The following LAMA1 variants were observed in gnomAD, a reference collection of about 807,000 sequenced individuals.
LAMA1 encodes laminin subunit alpha 1.
Under a neutral mutation model 348.7 loss-of-function variants are expected in LAMA1, and 219 were observed. The observed-to-expected ratio is 0.63, with a 90% CI of 0.56 to 0.70. The LOEUF is 0.70. Among genes scored for constraint, LAMA1 ranks in the 30% least tolerant of loss-of-function variants. The pLI is 0.00. For missense variants in LAMA1, 3,744 were observed against 3,888.0 expected, an observed-to-expected ratio of 0.96 and a Z score of 0.99; for synonymous variants, 1,487 against 1,491.0, an observed-to-expected ratio of 1.00 and a Z score of 0.06.
At chr18:7,082,944 C>A (rs1188234884) in intron 1 of LAMA1, among the ~76,000 whole-genome samples, 2 of 142,548 alleles carry the variant, frequency 1.4e-5, no homozygotes, top group Non-Finnish European at 2.9e-5. Context: ...CCCACTACCT[C>A]CCAATCTGAG....
intron 31 of LAMA1, 57 bp from the exon 32 acceptor site, chr18:6,999,695 T>C (rs693754): frequency 0.4 from 564,581 of 1,427,556 alleles, 117,336 homozygotes; most frequent in African/African-American, 0.69. Context: ...GCTTCTAACT[T>C]GCGACAGTAA....
intron 36 of LAMA1, among the ~76,000 whole-genome samples, chr18:6,986,924 A>G (rs997691972): frequency 3.3e-5 from 5 of 152,086 alleles, no homozygotes; most frequent in African/African-American, 1.2e-4. Context: ...ACGCCCAGCT[A>G]ATTTTTTTTA....
chr18:7,027,585 C>CA (rs1317768974), intron 16 of LAMA1, among the ~76,000 whole-genome samples: 254 of 149,456 alleles, frequency 1.7e-3, no homozygotes, highest in African/African-American at 6.2e-3. Flanking sequence ...AAAAAAAAAA[C>CA]AAAACCCAGT....
chr18:7,050,821 A>G lies in LAMA1; in HGVS notation c.461T>C (p.Val154Ala). Residue 154 changes from valine to alanine, a missense_variant, in exon 4 of 63, where the codon GTC becomes GCC. Coordinates refer to ENST00000389658, the MANE Select transcript of LAMA1 (RefSeq NM_005559.4). ...TTFSPWQYYA[V>A]SDSECLSRYN... ...ACGAGACAAACACTCTGAGTCGCTG[A>G]CTGCATAATACTGCCAGGGGCTGAA... 1 of 1,614,164 alleles carries G rather than the reference A, an allele frequency of 6.2e-7. No homozygotes were observed. The highest frequency in any genetic ancestry group is 8.5e-7 in the Non-Finnish European group (1 of 1,180,028).
chr18:7,000,661 C>T (rs561518679), intron 30 of LAMA1, among the ~76,000 whole-genome samples: 3 of 152,192 alleles, frequency 2.0e-5, no homozygotes, highest in Non-Finnish European at 4.4e-5. Flanking sequence ...TCTGCCTTCA[C>T]GTTTTAAATT....
intron 48 of LAMA1, among the ~76,000 whole-genome samples, chr18:6,970,585 T>G (rs1436618780): frequency 6.6e-6 from 1 of 152,048 alleles, no homozygotes; most frequent in Non-Finnish European, 1.5e-5. Flanking sequence ...CCTATATTCT[T>G]TTTCAATCTT....
intron 16 of LAMA1, among the ~76,000 whole-genome samples, chr18:7,031,680 C>CAAATAAATAAATAAATTAATAAAT (rs2057969656): frequency 6.8e-6 from 1 of 146,626 alleles, no homozygotes; most frequent in African/African-American, 2.6e-5. Flanking sequence ...GACCCTGTCT[C>CAAATAAATAAATAAATTAATAAAT]AAATAAATAA....
intron 48 of LAMA1, among the ~76,000 whole-genome samples, chr18:6,967,971 C>T (rs1297713247): frequency 6.6e-6 from 1 of 152,148 alleles, no homozygotes; most frequent in African/African-American, 2.4e-5. Flanking sequence ...CTGAACATGA[C>T]CGAAGGCTTG....
rs2058353678 is a variant in LAMA1, at chr18:7,115,819, A to AAAACAAAAC, written c.61+1840_61+1841insGTTTTGTTT. Among the ~76,000 whole-genome samples, 5 of 53,800 alleles carry AAAACAAAAC rather than the reference A, an allele frequency of 9.3e-5. No individual in the cohort carries two copies. The South Asian group carries it at 5.7e-3, about 61-fold the overall frequency. The allele number at this position is 53,800 out of a possible 152,430, so 35.3% of individuals were successfully genotyped here. ...CCCTGTCTCCACTAAAAATACAAAA[A>AAAACAAAAC]AAAAAAAAAAAAAATAGCCGGGCGT... On this transcript the variant is annotated intron_variant, in intron 1 of 62. Coordinates refer to ENST00000389658, the MANE Select transcript of LAMA1 (RefSeq NM_005559.4).
chr18:7,104,185 G>A (rs1305733974), intron 1 of LAMA1, among the ~76,000 whole-genome samples: 1 of 152,032 alleles, frequency 6.6e-6, no homozygotes, highest in Non-Finnish European at 1.5e-5. Context: ...CACCATGTGG[G>A]CCAGGCTGGT....
intron 22 of LAMA1, among the ~76,000 whole-genome samples, chr18:7,014,877 T>C (rs1157779405): frequency 2.0e-5 from 3 of 152,112 alleles, no homozygotes; most frequent in Non-Finnish European, 2.9e-5. Context: ...GACAGAGTCT[T>C]GCTCTGTTGC....
At chr18:6,979,281 G>GCAT (rs2057697382) in intron 42 of LAMA1, among the ~76,000 whole-genome samples, 1 of 152,214 alleles carries the variant, frequency 6.6e-6, no homozygotes, top group African/African-American at 2.4e-5. Flanking sequence ...AGTTTCCCCA[G>GCAT]GTAACTTCCA....
chr18:7,019,022 G>T (rs1251084300), intron 19 of LAMA1, among the ~76,000 whole-genome samples: 1 of 152,060 alleles, frequency 6.6e-6, no homozygotes, highest in Non-Finnish European at 1.5e-5. Flanking sequence ...GCTGGACCGT[G>T]CGGACTCTGC....
At chr18:6,945,307 G>GAC (rs2057516853) in intron 61 of LAMA1, among the ~76,000 whole-genome samples, 1 of 152,162 alleles carries the variant, frequency 6.6e-6, no homozygotes, top group Non-Finnish European at 1.5e-5. Flanking sequence ...GCAGCAATAT[G>GAC]ACATCAAGTT....
At chr18:7,100,890 A>G (rs1165430107) in intron 1 of LAMA1, among the ~76,000 whole-genome samples, 1 of 152,084 alleles carries the variant, frequency 6.6e-6, no homozygotes, top group African/African-American at 2.4e-5. Flanking sequence ...GGTGCCTGTA[A>G]TCCCAGCTAC....
intron 8 of LAMA1, chr18:7,042,895 T>TAA: frequency 3.9e-6 from 1 of 253,768 alleles, no homozygotes; most frequent in Non-Finnish European, 7.5e-6. Context: ...AAATAAAAAT[T>TAA]AAAAAAAAAA....
rs577039434 is a variant in LAMA1 at position 7,067,027 on chromosome 18, T to C, written c.345+12948A>G. 7.9e-5 allele frequency among the ~76,000 whole-genome samples: 12 copies of C among 152,308 alleles called. No homozygotes were observed. The East Asian group carries it at 2.3e-3, about 29-fold the overall frequency. On this transcript the variant is annotated intron_variant, in intron 3 of 62. Coordinates refer to ENST00000389658, the MANE Select transcript of LAMA1 (RefSeq NM_005559.4). ...TTAAATGAATTATTGTGTAGCCAAA[T>C]GATAAAATATCATTCTTCCATTAAA...
rs200446592 is a variant in LAMA1, at chr18:7,099,829, A to T, written c.61+17831T>A. ...ATCCCAGCACTTTGGGAGGCTGAGG[A>T]GGGCAGATCATGAGGTCAGGAGATT... On this transcript the variant is annotated intron_variant, in intron 1 of 62. Transcript: ENST00000389658. 1.3e-5 allele frequency among the ~76,000 whole-genome samples: 2 copies of T among 151,850 alleles called. 1 individual carries two copies. The highest frequency in any genetic ancestry group is 4.8e-5 in the African/African-American group (2 of 41,350).
intron 1 of LAMA1, among the ~76,000 whole-genome samples, chr18:7,082,783 A>G (rs2058198145): frequency 1.3e-5 from 2 of 152,334 alleles, no homozygotes; most frequent in African/African-American, 2.4e-5. Context: ...TTCCCTTCAC[A>G]AAGACTAGTC....
Sources: gnomAD v4.1 joint callset for allele counts (sites outside exome capture counted in the v4.1 genomes callset) on GRCh38, gnomAD v4.1.1 for gene constraint, MANE v1.5 for transcripts, NCBI Gene and HGNC (gene_info 2026-07-23, HGNC 2026-07-21) for gene names.